Variants in GPC6 observed in about 807,000 individuals in gnomAD.
The protein encoded by GPC6 is glypican 6.
In GPC6, 14 loss-of-function variants were observed where a neutral mutation model predicts 55.2. That is an observed-to-expected ratio of 0.25 (90% CI 0.17 to 0.40). The LOEUF (loss-of-function observed/expected upper bound fraction) is 0.40, where lower values mean the gene tolerates loss of function less well. Ranked by LOEUF, GPC6 falls within the 10% of genes least tolerant of loss-of-function variation. The pLI, the probability that GPC6 is intolerant of heterozygous loss-of-function variation, is 1.00. For missense variants in GPC6, 641 were observed against 708.5 expected (o/e 0.90, Z 1.08); for synonymous variants, 278 against 259.6 (o/e 1.07, Z -0.68).
chr13:93,223,414 C>T (rs139200619), upstream of GPC6, among the ~76,000 whole-genome samples: 215 of 152,098 alleles, frequency 1.4e-3, 1 homozygote, highest in Non-Finnish European at 2.5e-3. Flanking sequence ...TAATGAGATG[C>T]AATCTTTTTT....
chr13:93,264,745 C>T (rs1877266636), intron 1 of GPC6, among the ~76,000 whole-genome samples: 1 of 152,044 alleles, frequency 6.6e-6, no homozygotes, highest in Non-Finnish European at 1.5e-5. Context: ...ATACCTAATA[C>T]AGTGTAAATG....
intron 1 of GPC6, among the ~76,000 whole-genome samples, chr13:93,418,517 C>T (rs1306500842): frequency 2.7e-5 from 4 of 148,258 alleles, no homozygotes; most frequent in African/African-American, 1.0e-4. Flanking sequence ...AGCACTATAC[C>T]ATAGTATTAT....
At chr13:93,887,322 CAATT>C (rs1594558372) in intron 3 of GPC6, among the ~76,000 whole-genome samples, 1 of 151,848 alleles carries the variant, frequency 6.6e-6, no homozygotes, top group East Asian at 1.9e-4. Flanking sequence ...TCAAACATGA[CAATT>C]GATTGTCATG....
intron 1 of GPC6, among the ~76,000 whole-genome samples, chr13:93,472,454 G>A (rs1566374973): frequency 6.6e-6 from 1 of 152,206 alleles, no homozygotes; most frequent in Admixed American, 6.5e-5. Flanking sequence ...GCTGGCTGCT[G>A]CAGTAGAGTG....
At chr13:93,722,979 G>A (rs1358309665) in intron 2 of GPC6, among the ~76,000 whole-genome samples, 1 of 151,878 alleles carries the variant, frequency 6.6e-6, no homozygotes, top group Non-Finnish European at 1.5e-5. Flanking sequence ...CTGTGTCTGT[G>A]AAGACCTTAT....
In GPC6 at chr13:93,482,177, C is replaced by A. The variant is rs186688891; in HGVS notation, c.161-63086C>A. On this transcript the variant is annotated intron_variant, in intron 1 of 8. Transcript: ENST00000377047. The stretch of plus-strand genomic sequence containing the variant: ...TTATTCCTAATTTCATTTTCAGGTT[C>A]CTCTTTGTTAGTGTGTAGAAACACA... Among the ~76,000 whole-genome samples the A allele has an allele frequency of 4.7e-3, 719 of 152,106 alleles. 5 individuals are homozygous for A. The highest frequency in any genetic ancestry group is 0.02 in the Middle Eastern group (6 of 294).
chr13:93,822,070 CATA>C (rs1644612611), intron 2 of GPC6, among the ~76,000 whole-genome samples: 1 of 151,134 alleles, frequency 6.6e-6, no homozygotes, highest in Non-Finnish European at 1.5e-5. Flanking sequence ...TAATATTTTG[CATA>C]AAATACATAA....
chr13:94,329,020 G>T (rs912143437), intron 6 of GPC6, among the ~76,000 whole-genome samples: 2 of 152,194 alleles, frequency 1.3e-5, no homozygotes, highest in African/African-American at 2.4e-5. Context: ...AGCTCCTGAG[G>T]AAGAACCCCG....
At chr13:93,859,898 A>G (rs2139024706) in intron 3 of GPC6, among the ~76,000 whole-genome samples, 1 of 151,776 alleles carries the variant, frequency 6.6e-6, no homozygotes, top group South Asian at 2.1e-4. Context: ...TAGAATAAAC[A>G]AAAGTCCCCT....
intron 1 of GPC6, among the ~76,000 whole-genome samples, chr13:93,504,597 A>G (rs139045296): frequency 6.6e-6 from 1 of 151,688 alleles, no homozygotes; most frequent in East Asian, 1.9e-4. Flanking sequence ...GTTGCAGTAA[A>G]GGTACTTTAT....
intron 1 of GPC6, among the ~76,000 whole-genome samples, chr13:93,466,673 G>A (rs1878914396): frequency 6.6e-6 from 1 of 152,168 alleles, no homozygotes; most frequent in South Asian, 2.1e-4. Flanking sequence ...GATGGACAGG[G>A]TCCTTGTTTC....
chr13:94,013,587 T>A (rs1882337898), intron 3 of GPC6, among the ~76,000 whole-genome samples: 1 of 152,134 alleles, frequency 6.6e-6, no homozygotes, highest in African/African-American at 2.4e-5. Flanking sequence ...TGACCTCAGG[T>A]GATCTGCCCG....
intron 4 of GPC6, among the ~76,000 whole-genome samples, chr13:94,167,088 C>T (rs377427579): frequency 5.3e-5 from 8 of 151,910 alleles, no homozygotes; most frequent in African/African-American, 1.9e-4. Context: ...GATGTTTTTT[C>T]CATTTATATT....
chr13:93,499,851 G>A (rs891657017), intron 1 of GPC6, among the ~76,000 whole-genome samples: 2 of 152,192 alleles, frequency 1.3e-5, no homozygotes, highest in Non-Finnish European at 2.9e-5. Context: ...TACAAAGTTA[G>A]ATGTGACTTG....
intron 6 of GPC6, among the ~76,000 whole-genome samples, chr13:94,374,398 A>T (rs1879736968): frequency 6.7e-6 from 1 of 150,314 alleles, no homozygotes; most frequent in Non-Finnish European, 1.5e-5. Flanking sequence ...AAACAAAAAA[A>T]GGCAGGGGTT....
chr13:93,259,384 T>C (rs895336974), intron 1 of GPC6, among the ~76,000 whole-genome samples: 1 of 152,152 alleles, frequency 6.6e-6, no homozygotes, highest in Non-Finnish European at 1.5e-5. Flanking sequence ...AAGCAGAAAG[T>C]TAAATGGGAA....
chr13:93,219,642 TTATTG>T, the GPC6 span, among the ~76,000 whole-genome samples: 1 of 152,206 alleles, frequency 6.6e-6, no homozygotes, highest in Non-Finnish European at 1.5e-5. Context: ...ATGAATTTAA[TTATTG>T]TATTTTGAAG....
intron 2 of GPC6, among the ~76,000 whole-genome samples, chr13:93,639,802 A>T (rs1023579171): frequency 3.3e-5 from 5 of 152,094 alleles, no homozygotes; most frequent in African/African-American, 4.8e-5. Flanking sequence ...GGTAAACAAA[A>T]CTCACAGATT....
chr13:93,254,889 A>G (rs1876901853), intron 1 of GPC6, among the ~76,000 whole-genome samples: 1 of 152,262 alleles, frequency 6.6e-6, no homozygotes, highest in Non-Finnish European at 1.5e-5. Flanking sequence ...TTGGTAGCTT[A>G]ACAGAGATTT....
Sources: gnomAD v4.1 joint callset for allele counts (sites outside exome capture counted in the v4.1 genomes callset) on GRCh38, gnomAD v4.1.1 for gene constraint, MANE v1.5 for transcripts, NCBI Gene and HGNC (gene_info 2026-07-23, HGNC 2026-07-21) for gene names.